KCMF1: variants seen among roughly 807,000 people sequenced by gnomAD.
KCMF1 encodes potassium channel modulatory factor 1.
A neutral mutation model predicts 41.1 loss-of-function variants in KCMF1; 3 were observed. The ratio of observed to expected loss-of-function variants is 0.07; its 90% CI spans 0.03 to 0.19. The LOEUF (loss-of-function observed/expected upper bound fraction) is 0.19, where lower values mean the gene tolerates loss of function less well. Among genes scored for constraint, KCMF1 ranks in the 10% least tolerant of loss-of-function variants. The pLI, the probability that KCMF1 is intolerant of heterozygous loss-of-function variation, is 1.00. For missense variants in KCMF1, 286 were observed against 488.9 expected, an observed-to-expected ratio of 0.58 and a Z score of 3.91; for synonymous variants, 142 against 164.5, an observed-to-expected ratio of 0.86 and a Z score of 1.04.
At chr2:84,997,164 G>C (rs191509009) in intron 1 of KCMF1, among the ~76,000 whole-genome samples, 226 of 152,266 alleles carry the variant, frequency 1.5e-3, no homozygotes, top group Admixed American at 2.6e-3. Context: ...TCATAGAACA[G>C]GTTTGCAACT....
At chr2:85,028,735 TG>T (rs1391565906) in intron 2 of KCMF1, among the ~76,000 whole-genome samples, 1 of 150,874 alleles carries the variant, frequency 6.6e-6, no homozygotes, top group Non-Finnish European at 1.5e-5. Flanking sequence ...ATGATACACC[TG>T]CCTCGGCCTC....
chr2:85,009,310 C>T (rs540305182), intron 1 of KCMF1, among the ~76,000 whole-genome samples: 1 of 152,288 alleles, frequency 6.6e-6, no homozygotes, highest in East Asian at 1.9e-4. Context: ...CCTGAGGCCT[C>T]CCAGTCATGC....
intron 1 of KCMF1, among the ~76,000 whole-genome samples, chr2:84,991,333 A>C (rs917695070): frequency 3.9e-5 from 6 of 152,234 alleles, no homozygotes; most frequent in Non-Finnish European, 8.8e-5. Context: ...TGTCTATTAG[A>C]TGTTCAAGTG....
chr2:85,049,201 C>T (rs1675744826), intron 5 of KCMF1, among the ~76,000 whole-genome samples, 165 bp from the exon 6 acceptor site: 1 of 152,198 alleles, frequency 6.6e-6, no homozygotes, highest in South Asian at 2.1e-4. Flanking sequence ...GTAACTCCTG[C>T]CTTCAGGAGG....
In KCMF1 at chr2:84,981,683, G is replaced by T. The variant is rs1673756705; in HGVS notation, c.16+10216G>T. Among the ~76,000 whole-genome samples, 4 of 152,040 alleles carry T rather than the reference G, an allele frequency of 2.6e-5. No homozygotes were observed. In the South Asian group the frequency reaches 8.3e-4, roughly 32 times the overall value. On this transcript the variant is annotated intron_variant, in intron 1 of 6. Transcript: ENST00000409785. ...TTATTATTTGGTTATGACTTTTATT[G>T]TTCCTTTGAGACTCTGTCATCCTCC... is the stretch of plus-strand genomic sequence containing the variant.
rs970806172 is a variant in KCMF1, at chr2:85,057,608, C to T, written c.*4199C>T. On this transcript the variant is annotated 3_prime_UTR_variant, in exon 7 of 7. Coordinates refer to ENST00000409785, the MANE Select transcript of KCMF1 (RefSeq NM_020122.5). ...TTCTGAATAGTATAAAAATCTAATT[C>T]CCTGTGCTTATCGGCTTCAACTGTG... The T allele has an allele frequency of 7.9e-5, 12 of 152,292 alleles. No homozygotes were observed. The highest frequency in any genetic ancestry group is 2.9e-4 in the African/African-American group (12 of 41,552). The allele number at this position is 152,292 out of a possible 1,614,324, so 9.4% of individuals were successfully genotyped here. A position where few individuals can be genotyped will look rare whatever the true frequency, so the allele number is the denominator to read the frequency against.
At chr2:85,031,840 A>G (rs998619769) in intron 2 of KCMF1, among the ~76,000 whole-genome samples, 1 of 152,004 alleles carries the variant, frequency 6.6e-6, no homozygotes, top group African/African-American at 2.4e-5. Flanking sequence ...CTCAGGCTCA[A>G]GTGATCTTCC....
rs568406734 is a variant in KCMF1, at chr2:85,055,829, G to T, written c.*2420G>T. 1 of 152,166 alleles carries T rather than the reference G, an allele frequency of 6.6e-6. No homozygotes were observed. The highest frequency in any genetic ancestry group is 1.9e-4 in the East Asian group (1 of 5,182). 9.4% of individuals were successfully genotyped at this position (152,166 alleles called of 1,614,324 possible). A position where few individuals can be genotyped will look rare whatever the true frequency, so the allele number is the denominator to read the frequency against. On this transcript the variant is annotated 3_prime_UTR_variant, in exon 7 of 7. Transcript: ENST00000409785. ...AAATATACCACTGTTTATTTTGGCAGCACCTTCAAATTTCTAAGGACCAGA... is the reference window on the plus strand; with the variant it reads ...AAATATACCACTGTTTATTTTGGCATCACCTTCAAATTTCTAAGGACCAGA...
chr2:85,045,081 T>C (rs1196007482), intron 4 of KCMF1, among the ~76,000 whole-genome samples: 1 of 151,952 alleles, frequency 6.6e-6, no homozygotes, highest in Non-Finnish European at 1.5e-5. Context: ...ACCCCATCTC[T>C]ACCAAAATAA....
Position 85,008,298 on chromosome 2 carries a change from A to G in KCMF1, c.17-19591A>G, listed in dbSNP as rs12614671. Among the ~76,000 whole-genome samples the G allele has an allele frequency of 1.7e-4, 13 of 77,936 alleles. 1 individual carries two copies. Among genetic ancestry groups the G allele is most frequent in the African/African-American group, 7.1e-4 (11 of 15,496 alleles). The allele number at this position is 77,936 out of a possible 152,430, so 51.1% of individuals were successfully genotyped here. A position where few individuals can be genotyped will look rare whatever the true frequency, so the allele number is the denominator to read the frequency against. ...ATATAATATGATATATAATATATAT[A>G]ATATATAATATGATATATATATCAT... is the stretch of plus-strand genomic sequence containing the variant. On this transcript the variant is annotated intron_variant, in intron 1 of 6. Transcript: ENST00000409785.
At chr2:84,972,316 A>T (rs1200032033) in intron 1 of KCMF1, 2 of 152,286 alleles carry the variant, frequency 1.3e-5, no homozygotes, top group South Asian at 4.1e-4. Flanking sequence ...GTACAGTTGC[A>T]AATAAGCAGA....
intron 1 of KCMF1, among the ~76,000 whole-genome samples, chr2:84,978,875 C>G (rs1205032056): frequency 6.6e-6 from 1 of 152,156 alleles, no homozygotes; most frequent in Non-Finnish European, 1.5e-5. Flanking sequence ...GCCACCATGT[C>G]TGGCTCATTT....
In KCMF1 at chr2:85,026,498, T is replaced by TTATTA. The variant is rs1558580342; in HGVS notation, c.17-1390_17-1389insATTAT. The stretch of plus-strand genomic sequence containing the variant: ...TATTATTATTATTATTATTATTATT[T>TTATTA]TTATTTTTTCCAGACAGGGTCTTGT... On this transcript the variant is annotated intron_variant, in intron 1 of 6. Coordinates refer to ENST00000409785, the MANE Select transcript of KCMF1 (RefSeq NM_020122.5). 5.7e-3 allele frequency among the ~76,000 whole-genome samples: 711 copies of TTATTA among 125,542 alleles called. 7 individuals are homozygous for TTATTA. The highest frequency in any genetic ancestry group is 0.02 in the African/African-American group (681 of 34,592). The allele number at this position is 125,542 out of a possible 152,430, so 82.4% of individuals were successfully genotyped here.
chr2:85,000,930 C>T (rs116100572), intron 1 of KCMF1, among the ~76,000 whole-genome samples: 1 of 150,800 alleles, frequency 6.6e-6, no homozygotes, highest in South Asian at 2.1e-4. Flanking sequence ...AGATAAGTGC[C>T]GCCATGCCCA....
In KCMF1 at chr2:84,980,263, C is replaced by T. The variant is rs1001574329; in HGVS notation, c.16+8796C>T. 2.6e-5 allele frequency among the ~76,000 whole-genome samples: 4 copies of T among 152,240 alleles called. No individual in the cohort carries two copies. In the East Asian group the frequency reaches 7.7e-4, roughly 29 times the overall value. On this transcript the variant is annotated intron_variant, in intron 1 of 6. Transcript: ENST00000409785. ...AGGAGCCAGGAAAAGATAGGCTGTT[C>T]TTGGGTTGGTAAGGACCAGTGGCCA... is the stretch of plus-strand genomic sequence containing the variant.
chr2:85,039,554 A>G (rs1334585999), intron 3 of KCMF1, among the ~76,000 whole-genome samples: 3 of 152,194 alleles, frequency 2.0e-5, no homozygotes, highest in African/African-American at 4.8e-5. Context: ...TTTTAAAGAC[A>G]TTGGCAACAA....
At chr2:85,017,375 C>T (rs1431589846) in intron 1 of KCMF1, among the ~76,000 whole-genome samples, 1 of 152,130 alleles carries the variant, frequency 6.6e-6, no homozygotes, top group East Asian at 1.9e-4. Flanking sequence ...TGCTTAAATG[C>T]AGAGTCTCTT....
chr2:85,008,368 ATCAT>A lies in KCMF1; in HGVS notation c.17-19520_17-19517del, dbSNP rs1197848203. Among the ~76,000 whole-genome samples, 41 of 9,386 alleles carry A rather than the reference ATCAT, an allele frequency of 4.4e-3. 1 individual carries two copies. Among genetic ancestry groups the A allele is most frequent in the African/African-American group, 6.0e-3 (35 of 5,788 alleles). The allele number at this position is 9,386 out of a possible 152,430, so 6.2% of individuals were successfully genotyped here. ...ATATAATATATAATATATATTATAT[ATCAT>A]ATGATATATTATATATGATATATAT... On this transcript the variant is annotated intron_variant, in intron 1 of 6. Coordinates refer to ENST00000409785, the MANE Select transcript of KCMF1 (RefSeq NM_020122.5).
At chr2:85,009,373 A>G (rs1277014199) in intron 1 of KCMF1, among the ~76,000 whole-genome samples, 1 of 152,166 alleles carries the variant, frequency 6.6e-6, no homozygotes, top group Non-Finnish European at 1.5e-5. Flanking sequence ...TTCTTCATAA[A>G]TTACCCAGTC....
Sources: allele counts gnomAD v4.1 joint callset (sites outside exome capture counted in the v4.1 genomes callset), GRCh38; gene constraint gnomAD v4.1.1; transcripts MANE v1.5; gene names NCBI Gene and HGNC (gene_info 2026-07-23, HGNC 2026-07-21).